TMEFF1: variants seen among roughly 807,000 people sequenced by gnomAD.
The protein encoded by TMEFF1 is transmembrane protein with EGF like and two follistatin like domains 1.
TMEFF1 carries 20 observed loss-of-function variants against 47.5 expected under a neutral mutation model. The ratio of observed to expected loss-of-function variants is 0.42; its 90% CI spans 0.30 to 0.61. TMEFF1 has a LOEUF of 0.61. Among genes scored for constraint, TMEFF1 ranks in the 20% least tolerant of loss-of-function variants. The pLI, the probability that TMEFF1 is intolerant of heterozygous loss-of-function variation, is 0.19. For synonymous variants in TMEFF1, 162 were observed against 166.3 expected, an observed-to-expected ratio of 0.97 and a Z score of 0.20; for missense variants, 411 against 471.1, an observed-to-expected ratio of 0.87 and a Z score of 1.18.
chr9:100,520,266 T>G (rs1336551352), intron 5 of TMEFF1, among the ~76,000 whole-genome samples: 1 of 152,148 alleles, frequency 6.6e-6, no homozygotes, highest in East Asian at 1.9e-4. Flanking sequence ...GAGCCATGAT[T>G]GCGCCACTGT....
chr9:100,508,383 G>A (rs915066025), intron 2 of TMEFF1, among the ~76,000 whole-genome samples: 1 of 151,880 alleles, frequency 6.6e-6, no homozygotes, highest in African/African-American at 2.4e-5. Context: ...TCAGGGCTCA[G>A]TTCATATTCC....
At chr9:100,524,894 C>A (rs1056171958) in intron 5 of TMEFF1, among the ~76,000 whole-genome samples, 3 of 152,070 alleles carry the variant, frequency 2.0e-5, no homozygotes, top group Non-Finnish European at 2.9e-5. Context: ...CTCCCCCAGA[C>A]CCCCACCCCT....
At chr9:100,535,523 C>A (rs1375478387) in intron 5 of TMEFF1, among the ~76,000 whole-genome samples, 1 of 152,198 alleles carries the variant, frequency 6.6e-6, no homozygotes, top group Non-Finnish European at 1.5e-5. Flanking sequence ...GTAATCCCAG[C>A]ACTTTGGGAG....
chr9:100,525,964 GT>G (rs1838246966), intron 5 of TMEFF1, among the ~76,000 whole-genome samples: 1 of 152,110 alleles, frequency 6.6e-6, no homozygotes, highest in South Asian at 2.1e-4. Flanking sequence ...TAACTTCTTG[GT>G]TTTACTCTCC....
intron 5 of TMEFF1, among the ~76,000 whole-genome samples, chr9:100,539,801 G>A (rs942283677): frequency 6.6e-6 from 1 of 152,186 alleles, no homozygotes; most frequent in African/African-American, 2.4e-5. Context: ...ACATCCTGCA[G>A]ATTGGTCCAT....
At chr9:100,562,639 GTT>G (rs1839040176) in intron 8 of TMEFF1, among the ~76,000 whole-genome samples, 6 of 132,710 alleles carry the variant, frequency 4.5e-5, no homozygotes, top group African/African-American at 1.8e-4. Flanking sequence ...TGTTTGTTTT[GTT>G]TTGTTTTGTT....
intron 2 of TMEFF1, among the ~76,000 whole-genome samples, chr9:100,501,554 A>G (rs900477988): frequency 4.6e-5 from 7 of 152,116 alleles, no homozygotes; most frequent in African/African-American, 7.2e-5. Context: ...TGGAATATAT[A>G]TATATTGCTT....
rs538393445 is a variant in TMEFF1 at position 100,495,762 on chromosome 9, A to C, written c.197-3003A>C. 3.3e-5 allele frequency among the ~76,000 whole-genome samples: 5 copies of C among 152,212 alleles called. No homozygotes were observed. In the South Asian group the frequency reaches 1.1e-3, roughly 32 times the overall value. Reference sequence around the variant, plus strand: ...TCATGACTTTTACCCTTACCTATTAATGATATAGGACCTCTAGCACCCTCA... The same window carrying C: ...TCATGACTTTTACCCTTACCTATTACTGATATAGGACCTCTAGCACCCTCA... On this transcript the variant is annotated intron_variant, in intron 1 of 9. Transcript: ENST00000374879.
rs948736221 is a variant in TMEFF1, at chr9:100,474,561, A to T, written c.196+821A>T. On this transcript the variant is annotated intron_variant, in intron 1 of 9. Transcript: ENST00000374879. ...CCCCATTTATGTCTTTTCAAAGGGG[A>T]GGAGGCTTGGGAGTCATCATCCTGT... is the stretch of plus-strand genomic sequence containing the variant. Among the ~76,000 whole-genome samples the T allele has an allele frequency of 5.9e-5, 9 of 152,068 alleles. No homozygotes were observed. In the South Asian group the frequency reaches 6.2e-4, roughly 11 times the overall value.
chr9:100,541,057 G>C (rs536501512), intron 5 of TMEFF1, among the ~76,000 whole-genome samples: 1 of 151,928 alleles, frequency 6.6e-6, no homozygotes, highest in Non-Finnish European at 1.5e-5. Flanking sequence ...TCAGTCTTAC[G>C]TTTGATCTCC....
chr9:100,526,013 G>A (rs1244960562), intron 5 of TMEFF1, among the ~76,000 whole-genome samples: 2 of 152,152 alleles, frequency 1.3e-5, no homozygotes, highest in African/African-American at 4.8e-5. Flanking sequence ...TTATGAAAAG[G>A]TGTGAGATTT....
chr9:100,514,874 A>T (rs1417114903), intron 4 of TMEFF1, among the ~76,000 whole-genome samples: 1 of 152,038 alleles, frequency 6.6e-6, no homozygotes, highest in Non-Finnish European at 1.5e-5. Context: ...GGGCGCCTGT[A>T]ATCCCAGCTA....
chr9:100,535,067 A>ATTGGT (rs1838476940), intron 5 of TMEFF1, among the ~76,000 whole-genome samples: 1 of 152,186 alleles, frequency 6.6e-6, no homozygotes, highest in Non-Finnish European at 1.5e-5. Flanking sequence ...AAAAACAGAC[A>ATTGGT]TTGGTCTGGA....
chr9:100,491,204 T>C (rs1286745034), intron 1 of TMEFF1, among the ~76,000 whole-genome samples: 1 of 152,176 alleles, frequency 6.6e-6, no homozygotes, highest in South Asian at 2.1e-4. Context: ...CTATTTTCAG[T>C]ATAGAGATCA....
chr9:100,513,406 T>C lies in TMEFF1; in HGVS notation c.463+73T>C, dbSNP rs78582866. On this transcript the variant is annotated intron_variant, in intron 4 of 9. Transcript: ENST00000374879. ...TTCTTTCTTTTTCTTTTTTTTTTTT[T>C]TTTTAAATCAGCTTTGAGATATAAT... is the stretch of plus-strand genomic sequence containing the variant. 8 of 1,501,952 alleles carry C rather than the reference T, an allele frequency of 5.3e-6. No homozygotes were observed. In the East Asian group the frequency reaches 1.6e-4, roughly 31 times the overall value. 93.0% of individuals were successfully genotyped at this position (1,501,952 alleles called of 1,614,324 possible).
intron 5 of TMEFF1, among the ~76,000 whole-genome samples, chr9:100,532,078 A>G (rs1838393826): frequency 6.6e-6 from 1 of 151,962 alleles, no homozygotes; most frequent in African/African-American, 2.4e-5. Context: ...TACACCTTAT[A>G]CAAAAATCAA....
chr9:100,479,457 T>A (rs1837299365), intron 1 of TMEFF1, among the ~76,000 whole-genome samples: 1 of 152,150 alleles, frequency 6.6e-6, no homozygotes, highest in Non-Finnish European at 1.5e-5. Flanking sequence ...TGTACGACTG[T>A]CACCACTCTC....
intron 5 of TMEFF1, among the ~76,000 whole-genome samples, chr9:100,522,065 G>A (rs1478529901): frequency 6.6e-6 from 1 of 152,210 alleles, no homozygotes; most frequent in Non-Finnish European, 1.5e-5. Flanking sequence ...CTCAGAAGGT[G>A]CAGTGATATC....
At position 100,473,655 on chromosome 9, in the gene TMEFF1, C is replaced by T; in HGVS notation, c.111C>T (p.Ser37=). 6.5e-7 allele frequency: 1 copy of T among 1,548,548 alleles called. No homozygotes were observed. Among genetic ancestry groups the T allele is most frequent in the Non-Finnish European group, 8.7e-7 (1 of 1,146,886 alleles). The change falls in exon 1 of 10, where the codon AGC becomes AGT. Residue 37 remains serine, a synonymous_variant. Coordinates refer to ENST00000374879, the MANE Select transcript of TMEFF1 (RefSeq NM_003692.5). The surrounding 1 kb of genome is among the most constrained non-coding windows in gnomAD (Gnocchi z 5.4). The stretch of plus-strand genomic sequence containing the variant: ...TCTTCGCCTTCTCTCTGCCCGGGAG[C>T]CGCGCGTCCAACCAGCCCCCGGGTG... The part of the protein sequence containing the change: ...LLLFAFSLPG[S]RASNQPPGGG...
Sources: allele counts gnomAD v4.1 joint callset (sites outside exome capture counted in the v4.1 genomes callset), GRCh38; gene constraint gnomAD v4.1.1; non-coding constraint Gnocchi (gnomAD v3.1); transcripts MANE v1.5; gene names NCBI Gene and HGNC (gene_info 2026-07-23, HGNC 2026-07-21).